EHHADH: variants seen among roughly 807,000 people sequenced by gnomAD.
EHHADH encodes peroxisomal bifunctional enzyme.
EHHADH carries 48 observed loss-of-function variants against 64.4 expected under a neutral mutation model. That is an observed-to-expected ratio of 0.75 (90% CI 0.59 to 0.95). The LOEUF (loss-of-function observed/expected upper bound fraction) is 0.95. EHHADH is among the 40% of genes least tolerant of loss of function. The probability of loss-of-function intolerance (pLI) is 0.00; values close to 1 mark genes in which losing one functional copy is unlikely to be tolerated. For synonymous variants in EHHADH, 308 were observed against 326.7 expected (o/e 0.94, Z 0.62); for missense variants, 854 against 876.6 (o/e 0.97, Z 0.33).
intron 1 of EHHADH, among the ~76,000 whole-genome samples, chr3:185,251,790 A>G (rs1358959607): frequency 1.3e-5 from 2 of 152,182 alleles, no homozygotes; most frequent in Non-Finnish European, 2.9e-5. Flanking sequence ...AACTCCTAGG[A>G]TGTCCATTTC....
At chr3:185,229,900 A>C (rs1298024362) in intron 3 of EHHADH, among the ~76,000 whole-genome samples, 9 of 152,220 alleles carry the variant, frequency 5.9e-5, no homozygotes, top group Admixed American at 5.9e-4. Flanking sequence ...AATGGGAGAG[A>C]ATATACATAT....
chr3:185,211,555 A>T (rs186921999), intron 5 of EHHADH, among the ~76,000 whole-genome samples: 278 of 152,300 alleles, frequency 1.8e-3, no homozygotes, highest in African/African-American at 6.5e-3. Flanking sequence ...ACATCAAGGA[A>T]TCTGTCTCTC....
At chr3:185,212,991 G>A (rs1560011740) in intron 5 of EHHADH, among the ~76,000 whole-genome samples, 1 of 151,368 alleles carries the variant, frequency 6.6e-6, no homozygotes, top group Admixed American at 6.6e-5. Flanking sequence ...GTGCTGCCTT[G>A]TGCCTGTAAT....
chr3:185,239,843 T>A (rs2108649011), intron 2 of EHHADH, among the ~76,000 whole-genome samples: 1 of 152,304 alleles, frequency 6.6e-6, no homozygotes, highest in South Asian at 2.1e-4. Flanking sequence ...AGAGTGGGCA[T>A]CCTTGTCTTG....
intron 6 of EHHADH, among the ~76,000 whole-genome samples, chr3:185,199,373 A>G (rs2108626626): frequency 1.3e-5 from 2 of 152,326 alleles, no homozygotes; most frequent in African/African-American, 4.8e-5. Context: ...ACTGTGGTCA[A>G]TGAAATACGA....
At chr3:185,228,883 A>C (rs949785031) in intron 4 of EHHADH, among the ~76,000 whole-genome samples, 1 of 151,612 alleles carries the variant, frequency 6.6e-6, no homozygotes, top group African/African-American at 2.4e-5. Context: ...AGCTCACCGC[A>C]ACCTCCGCTT....
chr3:185,242,594 A>G (rs1318887857), intron 2 of EHHADH, among the ~76,000 whole-genome samples: 1 of 152,192 alleles, frequency 6.6e-6, no homozygotes, highest in East Asian at 1.9e-4. Context: ...CTTTCACTGG[A>G]GTCATGTACC....
chr3:185,242,193 C>T lies in EHHADH; in HGVS notation c.178+6221G>A, dbSNP rs568990469. 1.3e-5 allele frequency among the ~76,000 whole-genome samples: 2 copies of T among 152,266 alleles called. 1 individual carries two copies. Among genetic ancestry groups the T allele is most frequent in the South Asian group, 4.2e-4 (2 of 4,818 alleles). ...TGATGTTAACAAATGGAAACACATC[C>T]CATGCTCATGGATGGGTAGAATCAA... On this transcript the variant is annotated intron_variant, in intron 2 of 6. Transcript: ENST00000231887.
chr3:185,234,713 G>A (rs959255945), intron 3 of EHHADH, among the ~76,000 whole-genome samples: 2 of 151,660 alleles, frequency 1.3e-5, no homozygotes, highest in Non-Finnish European at 2.9e-5. Flanking sequence ...TGTAGTTGAT[G>A]GATCATAGAG....
At position 185,218,230 on chromosome 3, in the gene EHHADH, A is replaced by C; in HGVS notation, c.474T>G (p.Ile158Met). The C allele has an allele frequency of 6.2e-7, 1 of 1,604,084 alleles. No homozygotes were observed. The highest frequency in any genetic ancestry group is 8.5e-7 in the Non-Finnish European group (1 of 1,176,188). The stretch of plus-strand genomic sequence containing the variant: ...CCAGCTTGAGTGCTTCATCTGCTAA[A>C]ATACGTCTTCCTGAAATAAACAACA... Reference protein sequence around the residue: ...ALDLITSGRRILADEALKLGI... With the variant: ...ALDLITSGRRMLADEALKLGI... Residue 158 changes from isoleucine to methionine, a missense_variant, in exon 5 of 7, where the codon ATT becomes ATG. By Grantham distance (10) the Ile-to-Met change is conservative. Coordinates refer to ENST00000231887, the MANE Select transcript of EHHADH (RefSeq NM_001966.4).
At chr3:185,251,513 T>C (rs1404802186) in intron 1 of EHHADH, among the ~76,000 whole-genome samples, 4 of 152,272 alleles carry the variant, frequency 2.6e-5, no homozygotes, top group South Asian at 4.1e-4. Flanking sequence ...CCTATACTTA[T>C]AAAGAGGGCT....
rs1233689565 is a variant in EHHADH at position 185,193,100 on chromosome 3, A to C, written c.1298T>G (p.Phe433Cys). 6.2e-7 allele frequency: 1 copy of C among 1,613,814 alleles called. No homozygotes were observed. Among genetic ancestry groups the C allele is most frequent in the Non-Finnish European group, 8.5e-7 (1 of 1,179,832 alleles). Residue 433 changes from phenylalanine to cysteine, a missense_variant, in exon 7 of 7, where the codon TTC (phenylalanine) becomes TGC (cysteine). Transcript: ENST00000231887. ...CTTCATGACATGAGCTGGCGAAAAGAAGTGGGTGCCAATGACCAAGTGAGG... is the reference window on the plus strand; with the variant it reads ...CTTCATGACATGAGCTGGCGAAAAGCAGTGGGTGCCAATGACCAAGTGAGG... ...DRPHLVIGTH[F>C]FSPAHVMKLL...
rs1356916920 is a variant in EHHADH, at chr3:185,235,472, C to G, written c.179-10G>C. On this transcript the variant is annotated splice_polypyrimidine_tract_variant and intron_variant, in intron 2 of 6. Transcript: ENST00000231887. ...CCACGAATATCAGCACCTAAGGGCA[C>G]AAAGACAAGGAGAAAACAGAGTTGA... The G allele has an allele frequency of 6.3e-6, 10 of 1,595,616 alleles. No homozygotes were observed. Among genetic ancestry groups the G allele is most frequent in the African/African-American group, 1.4e-5 (1 of 73,940 alleles).
intron 5 of EHHADH, 50 bp from the exon 6 acceptor site, chr3:185,204,807 G>A: frequency 6.9e-7 from 1 of 1,447,734 alleles, no homozygotes; most frequent in Non-Finnish European, 9.4e-7. Context: ...CTTGTACAAA[G>A]GGAATGTGAA....
intron 4 of EHHADH, 46 bp from the exon 5 acceptor site, chr3:185,218,286 T>C: frequency 7.0e-7 from 1 of 1,429,586 alleles, no homozygotes; most frequent in East Asian, 2.3e-5. Flanking sequence ...AAGAGCGATG[T>C]AAGATTAAAG....
At chr3:185,243,834 T>C (rs1577376616) in intron 2 of EHHADH, among the ~76,000 whole-genome samples, 2 of 152,222 alleles carry the variant, frequency 1.3e-5, no homozygotes, top group Admixed American at 1.3e-4. Flanking sequence ...GGTTATTGCA[T>C]AGAATGTTCT....
chr3:185,208,158 T>A (rs2160815), intron 5 of EHHADH, among the ~76,000 whole-genome samples: 20,418 of 152,262 alleles, frequency 0.13, 1,531 homozygotes, highest in East Asian at 0.3. Context: ...TGCCCTGTTG[T>A]GAGCCACCCT....
intron 4 of EHHADH, among the ~76,000 whole-genome samples, chr3:185,228,257 A>AATAT (rs1235531098): frequency 0.017 from 375 of 21,858 alleles, 4 homozygotes; most frequent in Non-Finnish European, 0.028. Flanking sequence ...AAAAAAAAAA[A>AATAT]ATATATATAT....
At chr3:185,243,036 C>T (rs1719499773) in intron 2 of EHHADH, among the ~76,000 whole-genome samples, 1 of 152,220 alleles carries the variant, frequency 6.6e-6, no homozygotes, top group Non-Finnish European at 1.5e-5. Context: ...CAGGGCCTTT[C>T]CTGCTGCTTC....
Sources: allele counts gnomAD v4.1 joint callset (sites outside exome capture counted in the v4.1 genomes callset), GRCh38; gene constraint gnomAD v4.1.1; transcripts MANE v1.5; gene names NCBI Gene and HGNC (gene_info 2026-07-23, HGNC 2026-07-21).